KCNMA1: variants seen among roughly 807,000 people sequenced by gnomAD.
KCNMA1 encodes Calcium-activated potassium channel subunit alpha-1.
A neutral mutation model predicts 140.0 loss-of-function variants in KCNMA1; 29 were observed. The ratio of observed to expected loss-of-function variants is 0.21; its 90% CI spans 0.15 to 0.28. The LOEUF (loss-of-function observed/expected upper bound fraction) is 0.28, where lower values mean the gene tolerates loss of function less well. KCNMA1 is among the 10% of genes least tolerant of loss of function. The pLI, the probability that KCNMA1 is intolerant of heterozygous loss-of-function variation, is 1.00. For missense variants in KCNMA1, 880 were observed against 1,602.2 expected, an observed-to-expected ratio of 0.55 and a Z score of 7.70; for synonymous variants, 612 against 611.9, an observed-to-expected ratio of 1.00 and a Z score of 0.00.
intron 1 of KCNMA1, among the ~76,000 whole-genome samples, chr10:77,483,168 C>T (rs913361482): frequency 6.6e-6 from 1 of 152,202 alleles, no homozygotes; most frequent in Non-Finnish European, 1.5e-5. Flanking sequence ...GACTTTTTCA[C>T]TCCAGCAGCC....
intron 2 of KCNMA1, among the ~76,000 whole-genome samples, chr10:77,364,201 AG>A (rs2094191068): frequency 6.6e-6 from 1 of 152,124 alleles, no homozygotes; most frequent in East Asian, 1.9e-4. Flanking sequence ...CTGTAATCCC[AG>A]CACTTTGGGA....
chr10:77,578,235 C>A (rs986573105), intron 1 of KCNMA1, among the ~76,000 whole-genome samples: 1 of 152,178 alleles, frequency 6.6e-6, no homozygotes, highest in Non-Finnish European at 1.5e-5. Context: ...TGAGATCCCC[C>A]AATTAAATCA....
chr10:76,874,502 CAA>C (rs1344708694), downstream of KCNMA1: 3 of 152,144 alleles, frequency 2.0e-5, no homozygotes, highest in Non-Finnish European at 4.4e-5. Context: ...TTTTAAAGAT[CAA>C]GTTTGTTGTT....
intron 1 of KCNMA1, among the ~76,000 whole-genome samples, chr10:77,537,842 C>T (rs961907688): frequency 7.9e-5 from 12 of 152,096 alleles, no homozygotes; most frequent in Non-Finnish European, 1.8e-4. Context: ...TCCCGGCGCA[C>T]ATTCTTCCTG....
chr10:77,564,343 C>T (rs1368328407), intron 1 of KCNMA1, among the ~76,000 whole-genome samples: 1 of 152,120 alleles, frequency 6.6e-6, no homozygotes, highest in South Asian at 2.1e-4. Flanking sequence ...GAGGCCGAGG[C>T]GGACAGATCA....
intron 5 of KCNMA1, among the ~76,000 whole-genome samples, chr10:77,139,109 T>C (rs2098115166): frequency 6.6e-6 from 1 of 152,200 alleles, no homozygotes; most frequent in Non-Finnish European, 1.5e-5. Context: ...TAGTGAGTAC[T>C]CACTACTGAA....
At chr10:77,440,252 A>G (rs1326523098) in intron 1 of KCNMA1, among the ~76,000 whole-genome samples, 1 of 152,196 alleles carries the variant, frequency 6.6e-6, no homozygotes, top group Non-Finnish European at 1.5e-5. Flanking sequence ...GATACCTCAG[A>G]GCCCTGGTCT....
intron 15 of KCNMA1, among the ~76,000 whole-genome samples, chr10:77,035,780 T>C (rs1208577357): frequency 6.6e-6 from 1 of 152,018 alleles, no homozygotes; most frequent in Non-Finnish European, 1.5e-5. Context: ...AAGATAAAGG[T>C]AGAAGGAAAA....
At chr10:76,924,146 G>T (rs1590837458) in intron 23 of KCNMA1, among the ~76,000 whole-genome samples, 1 of 152,298 alleles carries the variant, frequency 6.6e-6, no homozygotes, top group African/African-American at 2.4e-5. Flanking sequence ...AAATTTGGCT[G>T]CCAGGGTCTT....
intron 1 of KCNMA1, among the ~76,000 whole-genome samples, chr10:77,512,443 C>T (rs1424897423): frequency 1.3e-5 from 2 of 152,144 alleles, no homozygotes; most frequent in Non-Finnish European, 2.9e-5. Context: ...TACTGTTGCT[C>T]ATCTGTCACT....
At chr10:76,926,200 A>G (rs1289969333) in intron 23 of KCNMA1, among the ~76,000 whole-genome samples, 2 of 152,298 alleles carry the variant, frequency 1.3e-5, no homozygotes, top group South Asian at 2.1e-4. Context: ...AGCGTGGTCA[A>G]TAACTTTTGA....
intron 25 of KCNMA1, among the ~76,000 whole-genome samples, chr10:76,900,189 C>T (rs1440209111): frequency 6.6e-6 from 1 of 151,994 alleles, no homozygotes; most frequent in Non-Finnish European, 1.5e-5. Context: ...TATAACAAAT[C>T]ATGCACTTAT....
At chr10:76,928,117 T>C (rs1047177033) in intron 23 of KCNMA1, among the ~76,000 whole-genome samples, 2 of 152,078 alleles carry the variant, frequency 1.3e-5, no homozygotes, top group Admixed American at 6.6e-5. Context: ...GACGGGAAAA[T>C]TGCAAACTTT....
At chr10:77,467,972 A>G (rs1397189470) in intron 1 of KCNMA1, among the ~76,000 whole-genome samples, 1 of 152,198 alleles carries the variant, frequency 6.6e-6, no homozygotes, top group Non-Finnish European at 1.5e-5. Context: ...TGAATAGTAC[A>G]ATCATATTGT....
chr10:77,478,836 G>A (rs1263986443), intron 1 of KCNMA1, among the ~76,000 whole-genome samples: 6 of 152,126 alleles, frequency 3.9e-5, no homozygotes, highest in Admixed American at 2.0e-4. Flanking sequence ...AAAGTAAAGA[G>A]CAAATATAAG....
chr10:77,220,500 T>G lies in KCNMA1; in HGVS notation c.602+30695A>C, dbSNP rs573811916. 5.3e-5 allele frequency among the ~76,000 whole-genome samples: 8 copies of G among 152,334 alleles called. No homozygotes were observed. The South Asian group carries it at 1.7e-3, about 32-fold the overall frequency. On this transcript the variant is annotated intron_variant, in intron 3 of 27. Coordinates refer to ENST00000286628, the MANE Select transcript of KCNMA1 (RefSeq NM_001161352.2). ...GAAAAACATTTCCTTGTCATTTATT[T>G]TTTAAATGTCAGGAGATTTTAAAAC...
intron 23 of KCNMA1, among the ~76,000 whole-genome samples, chr10:76,925,411 C>T (rs2057368817): frequency 6.6e-6 from 1 of 152,146 alleles, no homozygotes; most frequent in African/African-American, 2.4e-5. Flanking sequence ...AAACTAGAGG[C>T]TTACTATGCC....
intron 3 of KCNMA1, among the ~76,000 whole-genome samples, chr10:77,215,696 G>T (rs2047520796): frequency 1.3e-5 from 2 of 152,106 alleles, no homozygotes; most frequent in Admixed American, 1.3e-4. Context: ...GAACTGGATT[G>T]CATTCCCCCA....
intron 17 of KCNMA1, among the ~76,000 whole-genome samples, chr10:77,014,383 G>A (rs2091544283): frequency 6.7e-6 from 1 of 150,286 alleles, no homozygotes; most frequent in Admixed American, 6.6e-5. Context: ...CCGAGATTGT[G>A]CCACTGCACT....
Sources: allele counts gnomAD v4.1 joint callset (sites outside exome capture counted in the v4.1 genomes callset), GRCh38; gene constraint gnomAD v4.1.1; transcripts MANE v1.5; gene names NCBI Gene and HGNC (gene_info 2026-07-23, HGNC 2026-07-21).